AACS: variants seen among roughly 807,000 people sequenced by gnomAD.
The protein encoded by AACS is acetoacetyl-CoA synthetase.
A neutral mutation model predicts 83.1 loss-of-function variants in AACS; 69 were observed. The ratio of observed to expected loss-of-function variants is 0.83; its 90% CI spans 0.68 to 1.01. AACS has a LOEUF of 1.01. Among genes scored for constraint, AACS ranks in the 50% least tolerant of loss-of-function variants. AACS has a pLI of 0.00. For synonymous variants in AACS, 333 were observed against 343.4 expected (o/e 0.97, Z 0.33); for missense variants, 866 against 882.2 (o/e 0.98, Z 0.23).
chr12:125,083,799 G>A (rs775280065), intron 3 of AACS, among the ~76,000 whole-genome samples: 57 of 151,806 alleles, frequency 3.8e-4, no homozygotes, highest in Non-Finnish European at 6.9e-4. Context: ...GATTACAGGC[G>A]TCCACCACCA....
At position 125,113,042 on chromosome 12, in the gene AACS, G is replaced by A. The variant is rs547943069; in HGVS notation, c.916-1435G>A. On this transcript the variant is annotated intron_variant, in intron 8 of 17. Coordinates refer to ENST00000316519, the MANE Select transcript of AACS (RefSeq NM_023928.5). This position sits in a 1 kb window ranked among gnomAD's most constrained non-coding sequence, Gnocchi z 4.8. ...TTGGAGCCAAACCATATCAGGCAGC[G>A]TCTGCCTGTCTGCCTGGCAGTCTCT... 1.7e-4 allele frequency among the ~76,000 whole-genome samples: 26 copies of A among 152,300 alleles called. No individual in the cohort carries two copies. The highest frequency in any genetic ancestry group is 1.7e-3 in the South Asian group (8 of 4,826).
intron 1 of AACS, among the ~76,000 whole-genome samples, chr12:125,071,407 C>T (rs1356701571): frequency 6.6e-6 from 1 of 152,194 alleles, no homozygotes; most frequent in Non-Finnish European, 1.5e-5. Context: ...CAGGTACTCA[C>T]TTTTCTCAGG....
intron 1 of AACS, among the ~76,000 whole-genome samples, chr12:125,068,784 C>T (rs891725683): frequency 6.6e-6 from 1 of 151,644 alleles, no homozygotes; most frequent in Non-Finnish European, 1.5e-5. Flanking sequence ...CTCTTCTCTC[C>T]AAGCACATGT....
intron 17 of AACS, 35 bp downstream of exon 17, chr12:125,136,899 C>G (rs767685681): frequency 1.2e-6 from 2 of 1,602,880 alleles, no homozygotes; most frequent in South Asian, 1.1e-5. Flanking sequence ...GAGACCGCAG[C>G]CATCGCCCCA....
chr12:125,125,203 C>G (rs1957228425), intron 12 of AACS, among the ~76,000 whole-genome samples, 179 bp downstream of exon 12: 1 of 152,202 alleles, frequency 6.6e-6, no homozygotes, highest in Admixed American at 6.5e-5. Flanking sequence ...AACACGGAAC[C>G]CATACGGAAC....
At chr12:125,102,817 G>A in intron 6 of AACS, 24 bp downstream of exon 6, 2 of 1,606,904 alleles carry the variant, frequency 1.2e-6, no homozygotes, top group Non-Finnish European at 1.7e-6. Flanking sequence ...CCGGCTCCCA[G>A]CCGGCATGGC....
At chr12:125,134,656 A>G (rs1957374470) in intron 15 of AACS, 138 bp from the exon 16 acceptor site, 6 of 852,564 alleles carry the variant, frequency 7.0e-6, no homozygotes, top group Non-Finnish European at 7.6e-6. Flanking sequence ...TAGGGCAAGG[A>G]GCTGGGGAGC....
intron 7 of AACS, among the ~76,000 whole-genome samples, chr12:125,106,543 T>C (rs1956837532): frequency 6.6e-6 from 1 of 152,236 alleles, no homozygotes; most frequent in Non-Finnish European, 1.5e-5. Flanking sequence ...TTCTCTGTCA[T>C]TGAGCTGTAG....
In AACS at chr12:125,074,975, GT is replaced by G. The variant is rs34831405; in HGVS notation, c.237+1014del. ...CACCATGCCTGGCCACATTGTCATA[GT>G]TTTTTTTTTTTTTTTTTGAGATGGA... On this transcript the variant is annotated intron_variant, in intron 2 of 17. Coordinates refer to ENST00000316519, the MANE Select transcript of AACS (RefSeq NM_023928.5). Among the ~76,000 whole-genome samples the G allele has an allele frequency of 7.2e-3, 821 of 113,512 alleles. 13 individuals carry two copies. Among genetic ancestry groups the G allele is most frequent in the African/African-American group, 0.025 (734 of 29,474 alleles). 74.5% of individuals were successfully genotyped at this position (113,512 alleles called of 152,430 possible). A position where few individuals can be genotyped will look rare whatever the true frequency, so the allele number is the denominator to read the frequency against.
intron 8 of AACS, among the ~76,000 whole-genome samples, chr12:125,111,574 C>T (rs1351332609): frequency 6.6e-6 from 1 of 152,196 alleles, no homozygotes; most frequent in Non-Finnish European, 1.5e-5. Flanking sequence ...CTTGCTCGTT[C>T]TCTAGAGTTA....
chr12:125,097,822 G>A lies in AACS; in HGVS notation c.571-4857G>A, dbSNP rs556849582. On this transcript the variant is annotated intron_variant, in intron 5 of 17. Transcript: ENST00000316519. This position sits in a 1 kb window ranked among gnomAD's most constrained non-coding sequence, Gnocchi z 4.3. ...TACAACCCTGCCAAACCAGGAGCTC[G>A]GGCTGTGCGCCACACCCTTTCACTC... is the stretch of plus-strand genomic sequence containing the variant. 2.6e-5 allele frequency among the ~76,000 whole-genome samples: 4 copies of A among 152,240 alleles called. No individual in the cohort carries two copies. The East Asian group carries it at 5.8e-4, about 22-fold the overall frequency.
At chr12:125,096,716 T>G (rs1359398480) in intron 5 of AACS, among the ~76,000 whole-genome samples, 1 of 151,814 alleles carries the variant, frequency 6.6e-6, no homozygotes, top group East Asian at 1.9e-4. Flanking sequence ...CAGCAGGACA[T>G]GAAAGAGTCT....
intron 1 of AACS, among the ~76,000 whole-genome samples, chr12:125,067,041 A>G (rs1955720337): frequency 6.6e-6 from 1 of 151,882 alleles, no homozygotes; most frequent in Admixed American, 6.6e-5. Flanking sequence ...TGCCAGAGTA[A>G]TCTTGAAGCA....
At chr12:125,105,640 C>G (rs1010046025) in intron 7 of AACS, 18 of 152,176 alleles carry the variant, frequency 1.2e-4, no homozygotes, top group African/African-American at 4.1e-4. Context: ...TCATTTAGCC[C>G]GACACCCCAG....
chr12:125,133,988 C>T lies in AACS; in HGVS notation c.1550-15C>T. On this transcript the variant is annotated splice_polypyrimidine_tract_variant and intron_variant, in intron 14 of 17. Transcript: ENST00000316519. ...TTCTCCTCGGGATGACCGGGCACCT[C>T]TGCTGTCTTTGCAGGTATCTGGGCT... is the stretch of plus-strand genomic sequence containing the variant. The T allele has an allele frequency of 6.2e-7, 1 of 1,614,122 alleles. No individual in the cohort carries two copies. The highest frequency in any genetic ancestry group is 8.5e-7 in the Non-Finnish European group (1 of 1,180,002).
At chr12:125,091,801 C>T (rs1022522363) in intron 5 of AACS, among the ~76,000 whole-genome samples, 3 of 152,320 alleles carry the variant, frequency 2.0e-5, no homozygotes, top group South Asian at 2.1e-4. Flanking sequence ...CTAGTAAGGT[C>T]GAGCCCTGTC....
chr12:125,077,856 G>C (rs550695961), intron 3 of AACS, among the ~76,000 whole-genome samples: 1 of 152,164 alleles, frequency 6.6e-6, no homozygotes, highest in South Asian at 2.1e-4. Flanking sequence ...TTACAGGCGA[G>C]CACCACCATT....
chr12:125,112,819 G>A (rs1248188500), intron 8 of AACS, among the ~76,000 whole-genome samples: 2 of 152,194 alleles, frequency 1.3e-5, no homozygotes, highest in South Asian at 2.1e-4. Flanking sequence ...ATGGATGGCA[G>A]CAGGCAAAGA....
Position 125,093,280 on chromosome 12 carries a change from A to G in AACS, c.570+1757A>G, listed in dbSNP as rs1011401023. 1.1e-4 allele frequency among the ~76,000 whole-genome samples: 16 copies of G among 152,338 alleles called. No homozygotes were observed. The South Asian group carries it at 2.5e-3, about 24-fold the overall frequency. On this transcript the variant is annotated intron_variant, in intron 5 of 17. Transcript: ENST00000316519. Reference sequence around the variant, plus strand: ...GTAGCCTCCTCCCCCTGGAGAGGTGATATCAGAGCAACTGGAATCGGCCTT... The same window carrying G: ...GTAGCCTCCTCCCCCTGGAGAGGTGGTATCAGAGCAACTGGAATCGGCCTT...
Sources: allele counts gnomAD v4.1 joint callset (sites outside exome capture counted in the v4.1 genomes callset), GRCh38; gene constraint gnomAD v4.1.1; non-coding constraint Gnocchi (gnomAD v3.1); transcripts MANE v1.5; gene names NCBI Gene and HGNC (gene_info 2026-07-23, HGNC 2026-07-21).